Variants in RORA observed in about 807,000 individuals in gnomAD.
The protein encoded by RORA is nuclear receptor ROR-alpha.
In RORA, 7 loss-of-function variants were observed where a neutral mutation model predicts 69.5. The observed-to-expected ratio is 0.10, with a 90% CI of 0.06 to 0.19. The LOEUF is 0.19. Ranked by LOEUF, RORA falls within the 10% of genes least tolerant of loss-of-function variation. RORA has a pLI of 1.00. For missense variants in RORA, 457 were observed against 663.0 expected, an observed-to-expected ratio of 0.69 and a Z score of 3.41; for synonymous variants, 261 against 240.8, an observed-to-expected ratio of 1.08 and a Z score of -0.78.
chr15:60,717,796 C>CTTTTTTTTTTT (rs10653856), intron 1 of RORA, among the ~76,000 whole-genome samples: 3 of 91,974 alleles, frequency 3.3e-5, no homozygotes, highest in Non-Finnish European at 6.1e-5. Flanking sequence ...TTCTTTTTCT[C>CTTTTTTTTTTT]TTTTTTTTTT....
chr15:61,049,140 T>A (rs1897180559), intron 1 of RORA, among the ~76,000 whole-genome samples: 1 of 152,322 alleles, frequency 6.6e-6, no homozygotes, highest in Admixed American at 6.5e-5. Context: ...AGAGTTCTCC[T>A]GCCACAATTC....
intron 1 of RORA, among the ~76,000 whole-genome samples, chr15:61,198,361 C>A (rs907310340): frequency 6.6e-6 from 1 of 152,068 alleles, no homozygotes; most frequent in African/African-American, 2.4e-5. Context: ...ATCTAGGAGA[C>A]TTGAGTGCTG....
intron 1 of RORA, among the ~76,000 whole-genome samples, chr15:60,963,866 G>A (rs1893480174): frequency 6.6e-6 from 1 of 152,212 alleles, no homozygotes; most frequent in African/African-American, 2.4e-5. Context: ...TTCTGGCTGG[G>A]ATATTCAAGG....
intron 1 of RORA, among the ~76,000 whole-genome samples, chr15:60,931,850 C>T (rs936874644): frequency 6.6e-6 from 1 of 152,166 alleles, no homozygotes; most frequent in African/African-American, 2.4e-5. Context: ...ATTCATTTCT[C>T]CAGCTAAATA....
rs1019065323 is a variant in RORA at position 60,588,053 on chromosome 15, G to T, written c.197-56202C>A. ...GGATGGAAGGGAGTTATCTTCAGTAGAATAGCTAGATGGGGGAGACAGAAC... is the reference window on the plus strand; with the variant it reads ...GGATGGAAGGGAGTTATCTTCAGTATAATAGCTAGATGGGGGAGACAGAAC... On this transcript the variant is annotated intron_variant, in intron 2 of 10. Transcript: ENST00000335670. Among the ~76,000 whole-genome samples, 3 of 152,184 alleles carry T rather than the reference G, an allele frequency of 2.0e-5. 1 individual carries two copies. In the South Asian group the frequency reaches 6.2e-4, roughly 32 times the overall value.
chr15:60,571,269 C>CTG (rs985355701), intron 2 of RORA, among the ~76,000 whole-genome samples: 28 of 152,176 alleles, frequency 1.8e-4, no homozygotes, highest in African/African-American at 6.7e-4. Flanking sequence ...GCTGATGTCC[C>CTG]TGACACAGTT....
chr15:61,007,863 T>C (rs1459508471), intron 1 of RORA, among the ~76,000 whole-genome samples: 1 of 148,940 alleles, frequency 6.7e-6, no homozygotes, highest in African/African-American at 2.4e-5. Flanking sequence ...TTATATAAAA[T>C]ATATAACATT....
intron 1 of RORA, among the ~76,000 whole-genome samples, chr15:61,216,527 G>A (rs2080042148): frequency 6.6e-6 from 1 of 151,898 alleles, no homozygotes; most frequent in African/African-American, 2.4e-5. Flanking sequence ...GAGAAAGTGA[G>A]TAAAGGGAAG....
At chr15:60,703,337 C>T (rs1240081410) in intron 1 of RORA, among the ~76,000 whole-genome samples, 1 of 152,178 alleles carries the variant, frequency 6.6e-6, no homozygotes, top group African/African-American at 2.4e-5. Context: ...TTCTCTGAGG[C>T]CCTAAGTCCA....
chr15:60,948,583 T>G (rs778309628), intron 1 of RORA, among the ~76,000 whole-genome samples: 1 of 152,236 alleles, frequency 6.6e-6, no homozygotes, highest in Non-Finnish European at 1.5e-5. Context: ...CAACCTCATC[T>G]AACACTTATG....
chr15:60,867,054 C>T (rs1428176041), intron 1 of RORA, among the ~76,000 whole-genome samples: 3 of 151,932 alleles, frequency 2.0e-5, no homozygotes, highest in Middle Eastern at 3.2e-3. Context: ...TTAGTAGAGA[C>T]GGGGTTTCGC....
At chr15:60,767,379 T>C (rs1325489085) in intron 1 of RORA, among the ~76,000 whole-genome samples, 10 of 152,312 alleles carry the variant, frequency 6.6e-5, no homozygotes, top group African/African-American at 1.9e-4. Context: ...ATATGTCATC[T>C]CATTTGATCT....
intron 1 of RORA, among the ~76,000 whole-genome samples, chr15:60,987,909 A>G (rs979268564): frequency 1.3e-5 from 2 of 152,178 alleles, no homozygotes; most frequent in African/African-American, 4.8e-5. Flanking sequence ...CTTTACCTAC[A>G]AGTGCTCTCC....
At chr15:60,763,096 T>TTTTTTA (rs375632043) in intron 1 of RORA, among the ~76,000 whole-genome samples, 2,503 of 109,252 alleles carry the variant, frequency 0.023, 180 homozygotes, top group Non-Finnish European at 0.037. Context: ...TTTTTTTTTT[T>TTTTTTA]AACCAACCTA....
At chr15:61,098,913 G>A (rs953915854) in intron 1 of RORA, among the ~76,000 whole-genome samples, 16 of 152,126 alleles carry the variant, frequency 1.1e-4, no homozygotes, top group African/African-American at 3.6e-4. Context: ...ATTCTCTTGC[G>A]TGTTCTACTG....
chr15:60,528,899 C>T (rs1041059335), intron 3 of RORA: 3 of 152,168 alleles, frequency 2.0e-5, no homozygotes, highest in African/African-American at 4.8e-5. Context: ...GATTTCAACT[C>T]GGGCAGTCTG....
chr15:60,516,113 TTA>T (rs1296788980), intron 3 of RORA, among the ~76,000 whole-genome samples: 5 of 63,166 alleles, frequency 7.9e-5, no homozygotes, highest in East Asian at 9.2e-4. Flanking sequence ...ATATATTATA[TTA>T]TATATATTAT....
intron 2 of RORA, among the ~76,000 whole-genome samples, chr15:60,559,888 A>C (rs1395245138): frequency 6.6e-6 from 1 of 152,158 alleles, no homozygotes; most frequent in Non-Finnish European, 1.5e-5. Flanking sequence ...AATACACATA[A>C]CTTTATAAAT....
intron 2 of RORA, among the ~76,000 whole-genome samples, chr15:60,577,020 T>A (rs1469858618): frequency 6.6e-6 from 1 of 152,232 alleles, no homozygotes; most frequent in Non-Finnish European, 1.5e-5. Flanking sequence ...CCACAAATTT[T>A]ATGCCCAGGT....
Sources: gnomAD v4.1 joint callset for allele counts (sites outside exome capture counted in the v4.1 genomes callset) on GRCh38, gnomAD v4.1.1 for gene constraint, MANE v1.5 for transcripts, NCBI Gene and HGNC (gene_info 2026-07-23, HGNC 2026-07-21) for gene names.